The following ADGRB3 variants were observed in gnomAD, a reference collection of about 807,000 sequenced individuals.
The protein encoded by ADGRB3 is adhesion G protein-coupled receptor B3.
Under a neutral mutation model 193.4 loss-of-function variants are expected in ADGRB3, and 37 were observed. That is an observed-to-expected ratio of 0.19 (90% CI 0.15 to 0.25). The LOEUF (loss-of-function observed/expected upper bound fraction) is 0.25, where lower values mean the gene tolerates loss of function less well. Ranked by LOEUF, ADGRB3 falls within the 10% of genes least tolerant of loss-of-function variation. The pLI, the probability that ADGRB3 is intolerant of heterozygous loss-of-function variation, is 1.00. For missense variants in ADGRB3, 1,637 were observed against 1,852.9 expected (o/e 0.88, Z 2.14); for synonymous variants, 690 against 644.2 (o/e 1.07, Z -1.08).
At chr6:68,660,335 T>A in intron 3 of ADGRB3, among the ~76,000 whole-genome samples, 1 of 150,572 alleles carries the variant, frequency 6.6e-6, no homozygotes, top group East Asian at 1.9e-4. Context: ...ACTTCCTTTT[T>A]TTTTCATTTA....
At chr6:68,980,617 G>A (rs1321310937) in intron 10 of ADGRB3, among the ~76,000 whole-genome samples, 1 of 151,504 alleles carries the variant, frequency 6.6e-6, no homozygotes, top group African/African-American at 2.4e-5. Flanking sequence ...CAACAAATAT[G>A]TATTGAGCTA....
At chr6:68,638,443 G>A (rs780894328) in intron 2 of ADGRB3, among the ~76,000 whole-genome samples, 1 of 152,198 alleles carries the variant, frequency 6.6e-6, no homozygotes, top group Non-Finnish European at 1.5e-5. Context: ...TAAATTGAAT[G>A]TTGCGAATTT....
intron 3 of ADGRB3, among the ~76,000 whole-genome samples, chr6:68,859,361 G>A (rs1765083976): frequency 6.6e-6 from 1 of 152,112 alleles, no homozygotes; most frequent in Non-Finnish European, 1.5e-5. Flanking sequence ...TCCAACCTCT[G>A]CCTGTTACCC....
At chr6:68,932,938 G>T (rs2150247035) in intron 4 of ADGRB3, among the ~76,000 whole-genome samples, 1 of 121,370 alleles carries the variant, frequency 8.2e-6, no homozygotes, top group Non-Finnish European at 2.0e-5. Context: ...GTAAAAGATT[G>T]TAATTAAAAG....
intron 6 of ADGRB3, among the ~76,000 whole-genome samples, chr6:68,952,645 T>C (rs1767959748): frequency 6.8e-6 from 1 of 147,196 alleles, no homozygotes; most frequent in African/African-American, 2.5e-5. Context: ...ACTTAAAGTA[T>C]AATAAAAAAA....
rs188292479 is a variant in ADGRB3, at chr6:68,826,306, A to G, written c.758-104253A>G. Among the ~76,000 whole-genome samples the G allele has an allele frequency of 2.2e-4, 33 of 152,314 alleles. No homozygotes were observed. The East Asian group carries it at 6.4e-3, about 29-fold the overall frequency. On this transcript the variant is annotated intron_variant, in intron 3 of 31. Transcript: ENST00000370598. The stretch of plus-strand genomic sequence containing the variant: ...AAGTACACCTTGAAATGGGAATTCG[A>G]GGAAGGCTTCACTGAGAAGAAAGAA...
chr6:69,072,197 T>C (rs1375815768), intron 16 of ADGRB3, among the ~76,000 whole-genome samples: 1 of 152,158 alleles, frequency 6.6e-6, no homozygotes, highest in Non-Finnish European at 1.5e-5. Context: ...GTCTCACATA[T>C]TGGTGACTAT....
At chr6:68,804,366 G>A (rs1341136546) in intron 3 of ADGRB3, among the ~76,000 whole-genome samples, 1 of 152,154 alleles carries the variant, frequency 6.6e-6, no homozygotes, top group Non-Finnish European at 1.5e-5. Flanking sequence ...ATTGTGACAT[G>A]GAGAATTAGT....
chr6:68,800,604 A>G (rs1767292483), intron 3 of ADGRB3, among the ~76,000 whole-genome samples: 1 of 152,146 alleles, frequency 6.6e-6, no homozygotes, highest in African/African-American at 2.4e-5. Context: ...AAGAGATTGC[A>G]GGGGAAATCC....
intron 13 of ADGRB3, among the ~76,000 whole-genome samples, chr6:69,023,642 C>G (rs1770335412): frequency 6.6e-6 from 1 of 152,050 alleles, no homozygotes; most frequent in Non-Finnish European, 1.5e-5. Context: ...TAGGGAGTCA[C>G]TGAATCTTTA....
intron 3 of ADGRB3, among the ~76,000 whole-genome samples, chr6:68,739,767 C>T (rs1765941486): frequency 6.6e-6 from 1 of 152,110 alleles, no homozygotes; most frequent in African/African-American, 2.4e-5. Context: ...AGAATGTTTA[C>T]ATATTCAAAT....
At chr6:69,017,690 A>G (rs992248173) in intron 12 of ADGRB3, among the ~76,000 whole-genome samples, 9 of 151,870 alleles carry the variant, frequency 5.9e-5, no homozygotes, top group African/African-American at 1.9e-4. Context: ...AGATGCATAG[A>G]TGGACAGTTA....
chr6:68,844,596 A>C (rs2127388600), intron 3 of ADGRB3, among the ~76,000 whole-genome samples: 1 of 152,254 alleles, frequency 6.6e-6, no homozygotes, highest in South Asian at 2.1e-4. Flanking sequence ...GTTTCTCTAA[A>C]ATAATAGAAG....
At chr6:69,229,541 T>C (rs1022090937) in intron 17 of ADGRB3, among the ~76,000 whole-genome samples, 1 of 152,184 alleles carries the variant, frequency 6.6e-6, no homozygotes, top group African/African-American at 2.4e-5. Flanking sequence ...AACTTATTCA[T>C]AATAAATAAT....
At chr6:69,166,971 T>C (rs1775145066) in intron 17 of ADGRB3, among the ~76,000 whole-genome samples, 1 of 152,124 alleles carries the variant, frequency 6.6e-6, no homozygotes, top group African/African-American at 2.4e-5. Context: ...AGTTAACAAT[T>C]AGGTTATGCA....
At chr6:68,674,703 G>C (rs1471223955) in intron 3 of ADGRB3, among the ~76,000 whole-genome samples, 1 of 152,210 alleles carries the variant, frequency 6.6e-6, no homozygotes, top group Non-Finnish European at 1.5e-5. Flanking sequence ...CTTCCAGAAA[G>C]AGGTGCAGTC....
rs116494710 is a variant in ADGRB3, at chr6:69,134,499, C to T, written c.2480+58461C>T. Among the ~76,000 whole-genome samples, 1,359 of 152,140 alleles carry T rather than the reference C, an allele frequency of 8.9e-3. 22 individuals carry two copies. Among genetic ancestry groups the T allele is most frequent in the African/African-American group, 0.031 (1,298 of 41,518 alleles). ...TTACTTCCCTGTAATCCCCATAGCACTTCATATCTCATATTGCAGAAATGA... is the reference window on the plus strand; with the variant it reads ...TTACTTCCCTGTAATCCCCATAGCATTTCATATCTCATATTGCAGAAATGA... On this transcript the variant is annotated intron_variant, in intron 17 of 31. Transcript: ENST00000370598.
chr6:69,018,870 A>G (rs1262523595), intron 13 of ADGRB3, among the ~76,000 whole-genome samples: 5 of 151,958 alleles, frequency 3.3e-5, no homozygotes, highest in Non-Finnish European at 7.4e-5. Flanking sequence ...AAAACAACAT[A>G]TTAGTCTTTA....
intron 20 of ADGRB3, among the ~76,000 whole-genome samples, chr6:69,257,989 C>A (rs1286764184): frequency 1.3e-5 from 2 of 152,066 alleles, no homozygotes; most frequent in African/African-American, 4.8e-5. Context: ...GCAGCTTTCC[C>A]AGTCTCATGT....
Sources: allele counts gnomAD v4.1 joint callset (sites outside exome capture counted in the v4.1 genomes callset), GRCh38; gene constraint gnomAD v4.1.1; transcripts MANE v1.5; gene names NCBI Gene and HGNC (gene_info 2026-07-23, HGNC 2026-07-21).